MGAT4C: variants seen among roughly 807,000 people sequenced by gnomAD.
MGAT4C encodes the protein MGAT4 family member C, also known as alpha-1,3-mannosyl-glycoprotein 4-beta-N-acetylglucosaminyltransferase C.
MGAT4C carries 19 observed loss-of-function variants against 40.1 expected under a neutral mutation model. The ratio of observed to expected loss-of-function variants is 0.47; its 90% CI spans 0.33 to 0.70. The LOEUF (loss-of-function observed/expected upper bound fraction) is 0.70. Among genes scored for constraint, MGAT4C ranks in the 30% least tolerant of loss-of-function variants. The pLI is 0.02. For missense variants in MGAT4C, 491 were observed against 563.2 expected (o/e 0.87, Z 1.30); for synonymous variants, 181 against 187.1 (o/e 0.97, Z 0.27).
At chr12:86,251,791 CACTT>C (rs1361795257) in intron 1 of MGAT4C, among the ~76,000 whole-genome samples, 2 of 151,960 alleles carry the variant, frequency 1.3e-5, no homozygotes, top group Non-Finnish European at 2.9e-5. Context: ...GGTAGAGAGC[CACTT>C]ACTTGTGAAA....
Position 86,480,404 on chromosome 12 carries a change from T to A in MGAT4C, c.-228-45139A>T, listed in dbSNP as rs546685091. Among the ~76,000 whole-genome samples, 23 of 151,624 alleles carry A rather than the reference T, an allele frequency of 1.5e-4. 1 individual carries two copies. In the South Asian group the frequency reaches 4.8e-3, roughly 31 times the overall value. On this transcript the variant is annotated intron_variant, in intron 2 of 7. Transcript: ENST00000548651. ...ATACATATGCATACATGTGTACATA[T>A]AAGTATATATATCCAACATATAAAC...
chr12:86,407,934 CAACTT>C (rs1190171971), intron 3 of MGAT4C, among the ~76,000 whole-genome samples: 1 of 152,050 alleles, frequency 6.6e-6, no homozygotes, highest in African/African-American at 2.4e-5. Context: ...AGAAAGTTGA[CAACTT>C]AAATTACTTA....
chr12:86,520,265 T>C (rs1042200642), intron 2 of MGAT4C, among the ~76,000 whole-genome samples: 1 of 152,100 alleles, frequency 6.6e-6, no homozygotes, highest in Admixed American at 6.6e-5. Flanking sequence ...CATACTCTTC[T>C]ATGTGCCCAT....
intron 2 of MGAT4C, among the ~76,000 whole-genome samples, chr12:86,519,067 G>T (rs964714105): frequency 6.6e-6 from 1 of 152,098 alleles, no homozygotes; most frequent in Admixed American, 6.5e-5. Flanking sequence ...TGTCTGAAAA[G>T]AAATACAAGG....
At chr12:86,472,861 A>T (rs2136305275) in intron 2 of MGAT4C, among the ~76,000 whole-genome samples, 1 of 152,322 alleles carries the variant, frequency 6.6e-6, no homozygotes, top group South Asian at 2.1e-4. Flanking sequence ...AATTGGAAAA[A>T]GATCTTTCAC....
intron 2 of MGAT4C, among the ~76,000 whole-genome samples, chr12:86,559,740 A>T (rs1959777520): frequency 6.6e-6 from 1 of 152,044 alleles, no homozygotes; most frequent in African/African-American, 2.4e-5. Context: ...ATCTCAAAAA[A>T]CAAGAAAAGC....
At chr12:86,518,898 T>C (rs1199758316) in intron 2 of MGAT4C, among the ~76,000 whole-genome samples, 1 of 152,036 alleles carries the variant, frequency 6.6e-6, no homozygotes, top group African/African-American at 2.4e-5. Flanking sequence ...ATAAAATGGA[T>C]GAATCAATAA....
At chr12:86,123,455 A>G (rs1879768554) in intron 1 of MGAT4C, among the ~76,000 whole-genome samples, 1 of 152,178 alleles carries the variant, frequency 6.6e-6, no homozygotes, top group African/African-American at 2.4e-5. Flanking sequence ...TAGTTTGAGC[A>G]CAGAGAATCT....
intron 3 of MGAT4C, among the ~76,000 whole-genome samples, chr12:86,336,495 T>C (rs1434231873): frequency 6.6e-6 from 1 of 152,178 alleles, no homozygotes; most frequent in African/African-American, 2.4e-5. Flanking sequence ...ACCTACTATC[T>C]AGCACAAGAC....
intron 1 of MGAT4C, among the ~76,000 whole-genome samples, chr12:86,085,389 A>G (rs557690987): frequency 6.6e-6 from 1 of 152,258 alleles, no homozygotes; most frequent in East Asian, 1.9e-4. Context: ...TATAAGGTCT[A>G]AGGAAGGGGT....
intron 2 of MGAT4C, among the ~76,000 whole-genome samples, chr12:86,514,474 G>C (rs1174454496): frequency 6.6e-6 from 1 of 152,108 alleles, no homozygotes; most frequent in Non-Finnish European, 1.5e-5. Context: ...GAGGCTCTAT[G>C]GGATAATCTG....
At chr12:86,705,875 A>T (rs2136623181) in intron 2 of MGAT4C, among the ~76,000 whole-genome samples, 1 of 152,288 alleles carries the variant, frequency 6.6e-6, no homozygotes, top group East Asian at 1.9e-4. Flanking sequence ...TCCTTATCTG[A>T]GAAAAGAGGA....
chr12:86,352,952 G>A (rs1955202787), intron 3 of MGAT4C, among the ~76,000 whole-genome samples: 1 of 150,720 alleles, frequency 6.6e-6, no homozygotes, highest in Non-Finnish European at 1.5e-5. Context: ...TACCAACATG[G>A]CACATGTATA....
intron 2 of MGAT4C, among the ~76,000 whole-genome samples, chr12:86,446,794 T>C (rs1194150166): frequency 6.7e-6 from 1 of 149,306 alleles, no homozygotes; most frequent in Non-Finnish European, 1.5e-5. Context: ...AGCTGCATAC[T>C]ATTGCCATGG....
chr12:86,242,804 CAT>C (rs746371143), intron 1 of MGAT4C, among the ~76,000 whole-genome samples: 3 of 152,094 alleles, frequency 2.0e-5, no homozygotes, highest in East Asian at 3.9e-4. Context: ...TATACACACA[CAT>C]GTACACATAC....
At chr12:86,310,848 A>G (rs1312729740) in intron 4 of MGAT4C, among the ~76,000 whole-genome samples, 1 of 152,062 alleles carries the variant, frequency 6.6e-6, no homozygotes, top group African/African-American at 2.4e-5. Flanking sequence ...TGCTTGAACC[A>G]GGGAGGTGGA....
chr12:86,710,661 C>G (rs1401735363), intron 2 of MGAT4C, among the ~76,000 whole-genome samples: 1 of 152,094 alleles, frequency 6.6e-6, no homozygotes, highest in Non-Finnish European at 1.5e-5. Flanking sequence ...AGAACTATCA[C>G]TCGATCCAGC....
intron 1 of MGAT4C, among the ~76,000 whole-genome samples, chr12:86,835,338 G>A (rs777365598): frequency 2.0e-5 from 3 of 151,842 alleles, no homozygotes; most frequent in Non-Finnish European, 4.4e-5. Flanking sequence ...ACATTTGACA[G>A]TTTTACTCTC....
intron 1 of MGAT4C, among the ~76,000 whole-genome samples, chr12:86,245,358 T>G (rs1415045605): frequency 6.6e-6 from 1 of 152,224 alleles, no homozygotes; most frequent in Non-Finnish European, 1.5e-5. Context: ...TCCTGGAAAC[T>G]ACAATCTTGT....
Sources: gnomAD v4.1 joint callset for allele counts (sites outside exome capture counted in the v4.1 genomes callset) on GRCh38, gnomAD v4.1.1 for gene constraint, MANE v1.5 for transcripts, NCBI Gene and HGNC (gene_info 2026-07-23, HGNC 2026-07-21) for gene names.